Variants in TPST1 observed in about 807,000 individuals in gnomAD.
TPST1 encodes tyrosylprotein sulfotransferase 1, also known as protein-tyrosine sulfotransferase 1.
Under a neutral mutation model 34.8 loss-of-function variants are expected in TPST1, and 20 were observed. That is an observed-to-expected ratio of 0.57 (90% CI 0.40 to 0.84). The LOEUF (loss-of-function observed/expected upper bound fraction) is 0.84, where lower values mean the gene tolerates loss of function less well. Ranked by LOEUF, TPST1 falls within the 40% of genes least tolerant of loss-of-function variation. The probability of loss-of-function intolerance (pLI) is 0.00; values close to 1 mark genes in which losing one functional copy is unlikely to be tolerated. For missense variants in TPST1, 353 were observed against 455.5 expected, an observed-to-expected ratio of 0.78 and a Z score of 2.05; for synonymous variants, 152 against 159.4, an observed-to-expected ratio of 0.95 and a Z score of 0.35.
rs762012799 is a variant in TPST1, at chr7:66,332,947, C to T, written c.1045-19558C>T. Among the ~76,000 whole-genome samples the T allele has an allele frequency of 2.6e-5, 4 of 152,000 alleles. No homozygotes were observed. The highest frequency in any genetic ancestry group is 4.4e-5 in the Non-Finnish European group (3 of 67,998). On this transcript the variant is annotated intron_variant, in intron 3 of 5. Coordinates refer to ENST00000304842, the MANE Select transcript of TPST1 (RefSeq NM_003596.4). This position sits in a 1 kb window ranked among gnomAD's most constrained non-coding sequence, Gnocchi z 4.5. The stretch of plus-strand genomic sequence containing the variant: ...CAAGAGATGACTGTATAGGGGAGGC[C>T]GTGGTGACAGATGAAGTGGCACTGG...
At chr7:66,313,611 C>T (rs1303234830) in intron 3 of TPST1, among the ~76,000 whole-genome samples, 1 of 152,054 alleles carries the variant, frequency 6.6e-6, no homozygotes, top group Non-Finnish European at 1.5e-5. Flanking sequence ...GAATCTATAT[C>T]GTTCCTCATA....
chr7:66,312,195 A>C (rs1298224548), intron 3 of TPST1, among the ~76,000 whole-genome samples: 1 of 152,226 alleles, frequency 6.6e-6, no homozygotes, highest in East Asian at 1.9e-4. Flanking sequence ...TTCCTTAAGA[A>C]ATAGGTTCCC....
intron 2 of TPST1, among the ~76,000 whole-genome samples, chr7:66,260,722 A>C (rs1266731230): frequency 6.6e-6 from 1 of 152,162 alleles, no homozygotes; most frequent in Non-Finnish European, 1.5e-5. Context: ...GATGCAGTTA[A>C]CTTACTTGAC....
At chr7:66,214,256 G>A (rs1789339312) in intron 1 of TPST1, among the ~76,000 whole-genome samples, 1 of 151,666 alleles carries the variant, frequency 6.6e-6, no homozygotes, top group East Asian at 1.9e-4. Context: ...ATATTATATA[G>A]AATAGAAATA....
At chr7:66,226,529 G>T (rs1789659166) in intron 1 of TPST1, among the ~76,000 whole-genome samples, 1 of 152,096 alleles carries the variant, frequency 6.6e-6, no homozygotes, top group African/African-American at 2.4e-5. Context: ...GAAAACTAAT[G>T]AGAATGTTTT....
chr7:66,315,469 A>T (rs1375934179), intron 3 of TPST1, among the ~76,000 whole-genome samples: 1 of 152,266 alleles, frequency 6.6e-6, no homozygotes, highest in East Asian at 1.9e-4. Flanking sequence ...TTGCCCAGTC[A>T]TAAGCCAAAG....
intron 3 of TPST1, among the ~76,000 whole-genome samples, chr7:66,299,959 C>A (rs1017771615): frequency 6.6e-6 from 1 of 152,112 alleles, no homozygotes; most frequent in African/African-American, 2.4e-5. Context: ...AATTTGGTTT[C>A]CCAGTACATA....
chr7:66,224,757 G>C (rs1462291107), intron 1 of TPST1, among the ~76,000 whole-genome samples: 1 of 152,070 alleles, frequency 6.6e-6, no homozygotes, highest in Non-Finnish European at 1.5e-5. Flanking sequence ...CTTCTCTAAG[G>C]CATTATTTCT....
At chr7:66,220,829 G>T (rs1789528124) in intron 1 of TPST1, among the ~76,000 whole-genome samples, 1 of 152,076 alleles carries the variant, frequency 6.6e-6, no homozygotes, top group South Asian at 2.1e-4. Context: ...AAGTATATTT[G>T]CATTTTAGAA....
At chr7:66,230,730 G>T (rs1789765764) in intron 1 of TPST1, among the ~76,000 whole-genome samples, 1 of 152,144 alleles carries the variant, frequency 6.6e-6, no homozygotes. Flanking sequence ...CAGTGTGGAA[G>T]GGGACCCGAG....
intron 2 of TPST1, among the ~76,000 whole-genome samples, chr7:66,273,585 C>T (rs117887930): frequency 5.9e-5 from 9 of 152,074 alleles, no homozygotes; most frequent in Admixed American, 1.3e-4. Flanking sequence ...GACATATAAA[C>T]GAATGGAACT....
chr7:66,285,995 C>T (rs1791026333), intron 2 of TPST1, among the ~76,000 whole-genome samples: 1 of 152,102 alleles, frequency 6.6e-6, no homozygotes, highest in Admixed American at 6.6e-5. Context: ...CAGTTTTCCC[C>T]CAACATTTTG....
Position 66,324,800 on chromosome 7 carries a change from C to CAAAAAAAAAAA in TPST1, c.1045-27685_1045-27675dup, listed in dbSNP as rs56389964. 1.2e-3 allele frequency among the ~76,000 whole-genome samples: 133 copies of CAAAAAAAAAAA among 109,258 alleles called. 2 individuals are homozygous for CAAAAAAAAAAA. The highest frequency in any genetic ancestry group is 2.8e-3 in the East Asian group (9 of 3,242). 71.7% of individuals were successfully genotyped at this position (109,258 alleles called of 152,430 possible). A position where few individuals can be genotyped will look rare whatever the true frequency, so the allele number is the denominator to read the frequency against. On this transcript the variant is annotated intron_variant, in intron 3 of 5. Transcript: ENST00000304842. ...TGGGTGACAGAGTAAGACTCTGTCT[C>CAAAAAAAAAAA]AAAAAAAAAAAAAAAAAAAAAAAAA...
At chr7:66,233,700 C>A in intron 1 of TPST1, among the ~76,000 whole-genome samples, 1 of 152,160 alleles carries the variant, frequency 6.6e-6, no homozygotes, top group South Asian at 2.1e-4. Flanking sequence ...GAAAGTAACT[C>A]CATGCATGAA....
At chr7:66,226,488 AAG>A (rs1259967556) in intron 1 of TPST1, among the ~76,000 whole-genome samples, 3 of 152,192 alleles carry the variant, frequency 2.0e-5, no homozygotes, top group Non-Finnish European at 4.4e-5. Context: ...GAAACATCCA[AAG>A]AGAGAAAATT....
intron 1 of TPST1, among the ~76,000 whole-genome samples, chr7:66,216,430 A>T (rs1412486746): frequency 6.8e-6 from 1 of 147,700 alleles, no homozygotes; most frequent in African/African-American, 2.5e-5. Flanking sequence ...TGTAGTCTTT[A>T]TTATTTCCTT....
intron 3 of TPST1, among the ~76,000 whole-genome samples, chr7:66,349,648 C>A (rs906328087): frequency 2.0e-5 from 3 of 152,116 alleles, no homozygotes; most frequent in African/African-American, 7.2e-5. Context: ...GGGACTGGGG[C>A]AGACCCAACC....
rs759505366 is a variant in TPST1, at chr7:66,352,602, G to C, written c.1095+47G>C. The C allele has an allele frequency of 9.1e-5, 145 of 1,587,280 alleles. 1 individual carries two copies. The highest frequency in any genetic ancestry group is 8.5e-7 in the Non-Finnish European group (1 of 1,173,778). The stretch of plus-strand genomic sequence containing the variant: ...CCTGATGTATACTAGATTGGCTCTT[G>C]CATTGAAGTAATATTTTTAAAGAGA... On this transcript the variant is annotated intron_variant, in intron 4 of 5. Transcript: ENST00000304842.
intron 1 of TPST1, among the ~76,000 whole-genome samples, chr7:66,219,875 GTGTAAAATT>G (rs755503322): frequency 5.9e-5 from 9 of 152,156 alleles, no homozygotes; most frequent in Non-Finnish European, 1.2e-4. Context: ...GTTTCCTTAT[GTGTAAAATT>G]CTAGAACAGA....
Sources: gnomAD v4.1 joint callset for allele counts (sites outside exome capture counted in the v4.1 genomes callset) on GRCh38, gnomAD v4.1.1 for gene constraint, Gnocchi (gnomAD v3.1) non-coding constraint, MANE v1.5 for transcripts, NCBI Gene and HGNC (gene_info 2026-07-23, HGNC 2026-07-21) for gene names.